Variants in ADGRV1 observed in about 807,000 individuals in gnomAD.
ADGRV1 encodes adhesion G protein-coupled receptor V1.
A neutral mutation model predicts 596.2 loss-of-function variants in ADGRV1; 359 were observed. The ratio of observed to expected loss-of-function variants is 0.60; its 90% CI spans 0.55 to 0.66. The LOEUF is 0.66. Ranked by LOEUF, ADGRV1 falls within the 30% of genes least tolerant of loss-of-function variation. ADGRV1 has a pLI of 0.00. For synonymous variants in ADGRV1, 2,681 were observed against 2,679.2 expected (o/e 1.00, Z -0.02); for missense variants, 7,274 against 7,575.6 (o/e 0.96, Z 1.48).
At chr5:91,065,671 A>T (rs6865615) in intron 85 of ADGRV1, among the ~76,000 whole-genome samples, 28 of 152,082 alleles carry the variant, frequency 1.8e-4, no homozygotes, top group African/African-American at 6.3e-4. Flanking sequence ...CCCACATAAA[A>T]TTTTTTTAAA....
intron 70 of ADGRV1, among the ~76,000 whole-genome samples, chr5:90,801,721 T>G (rs1017510319): frequency 3.3e-5 from 5 of 152,266 alleles, no homozygotes; most frequent in African/African-American, 1.2e-4. Flanking sequence ...AATGGTTGAT[T>G]TTTACATTCA....
intron 1 of ADGRV1, among the ~76,000 whole-genome samples, chr5:90,586,555 ACTT>A (rs1758787493): frequency 2.0e-5 from 3 of 152,170 alleles, no homozygotes; most frequent in Admixed American, 2.0e-4. Context: ...TTTTTGGATT[ACTT>A]CACATGTTTC....
intron 88 of ADGRV1, among the ~76,000 whole-genome samples, chr5:91,152,925 C>T (rs1796178404): frequency 1.3e-5 from 2 of 152,126 alleles, no homozygotes; most frequent in South Asian, 2.1e-4. Flanking sequence ...AATCCTCCCA[C>T]CGAAATTTAA....
Position 90,965,472 on chromosome 5 carries a change from G to C in ADGRV1, c.17914G>C (p.Ala5972Pro). 1.2e-6 allele frequency: 2 copies of C among 1,613,856 alleles called. No homozygotes were observed. The highest frequency in any genetic ancestry group is 1.7e-6 in the Non-Finnish European group (2 of 1,179,766). The part of the protein sequence containing the change: ...SPQLAEESCS[A>P]MAAVTHYLYL... ...CCAACTCGCTGAGGAGAGCTGTTCAGCTATGGCTGCTGTCACACATTACCT... is the reference window on the plus strand; with the variant it reads ...CCAACTCGCTGAGGAGAGCTGTTCACCTATGGCTGCTGTCACACATTACCT... The change falls in exon 84 of 90, where the codon GCT becomes CCT. Residue 5972 changes from alanine to proline, a missense_variant. Physicochemically the swap from Ala to Pro is conservative, Grantham distance 27. Around this residue, in one of 5 missense-constraint regions of ADGRV1, gnomAD observed 1,874 missense variants for 1,970.2 expected, o/e 0.95. Coordinates refer to ENST00000405460, the MANE Select transcript of ADGRV1 (RefSeq NM_032119.4).
chr5:91,035,143 CTT>C (rs1784761871), intron 85 of ADGRV1, among the ~76,000 whole-genome samples: 1 of 152,128 alleles, frequency 6.6e-6, no homozygotes, highest in Non-Finnish European at 1.5e-5. Flanking sequence ...CAGCCCTATA[CTT>C]CTTCCACCAT....
chr5:90,619,503 G>A (rs1342297685), intron 4 of ADGRV1, among the ~76,000 whole-genome samples: 1 of 152,058 alleles, frequency 6.6e-6, no homozygotes, highest in Non-Finnish European at 1.5e-5. Context: ...TTCCCCAAAT[G>A]TCACCTAAAG....
At chr5:90,759,750 G>C (rs990688770) in intron 58 of ADGRV1, 162 bp downstream of exon 58, 8 of 640,802 alleles carry the variant, frequency 1.2e-5, no homozygotes, top group Admixed American at 2.2e-5. Flanking sequence ...CAGATCACGA[G>C]GTCAGGAGAT....
At position 90,817,081 on chromosome 5, in the gene ADGRV1, C is replaced by T. The variant is rs531272436; in HGVS notation, c.16196+1345C>T. Among the ~76,000 whole-genome samples, 397 of 152,268 alleles carry T rather than the reference C, an allele frequency of 2.6e-3. 1 individual carries two copies. The highest frequency in any genetic ancestry group is 9.2e-3 in the African/African-American group (383 of 41,550). ...CACCCTTTCCAGCACCTGTTGTTTC[C>T]TGACTTATTAATGATTGCCGTTCTA... On this transcript the variant is annotated intron_variant, in intron 75 of 89. Transcript: ENST00000405460.
chr5:90,937,846 CATTGTTTTT>C (rs1379452710), intron 83 of ADGRV1, among the ~76,000 whole-genome samples: 1 of 152,108 alleles, frequency 6.6e-6, no homozygotes, highest in Non-Finnish European at 1.5e-5. Flanking sequence ...TTTATGAATT[CATTGTTTTT>C]ATTGACGGTT....
rs375199905 is a variant in ADGRV1 at position 90,595,863 on chromosome 5, C to A, written c.23-18972C>A. On this transcript the variant is annotated intron_variant, in intron 1 of 89. Transcript: ENST00000405460. ...CTGACGCCCCCACCTCCCTCCCGGA[C>A]GGGGCGGCTGGCCTGGCGGGGGGCT... 1.3e-4 allele frequency among the ~76,000 whole-genome samples: 19 copies of A among 148,752 alleles called. 4 individuals carry two copies. The highest frequency in any genetic ancestry group is 4.2e-4 in the East Asian group (2 of 4,814).
chr5:90,939,713 T>C (rs1776010776), intron 83 of ADGRV1, among the ~76,000 whole-genome samples: 1 of 151,978 alleles, frequency 6.6e-6, no homozygotes, highest in Non-Finnish European at 1.5e-5. Context: ...GCAGAATTGC[T>C]TTTTTTTACT....
chr5:90,678,386 G>C (rs559040239), intron 25 of ADGRV1, among the ~76,000 whole-genome samples: 118 of 151,942 alleles, frequency 7.8e-4, no homozygotes, highest in African/African-American at 2.6e-3. Flanking sequence ...AGATGTATTA[G>C]AGGGAAAGGT....
intron 59 of ADGRV1, among the ~76,000 whole-genome samples, chr5:90,764,037 T>C (rs1361950676): frequency 1.3e-5 from 2 of 151,980 alleles, no homozygotes; most frequent in African/African-American, 2.4e-5. Flanking sequence ...GAGGGAAGGA[T>C]GGTAAAAAGC....
chr5:91,082,938 A>G lies in ADGRV1; in HGVS notation c.18310+10334A>G, dbSNP rs538045754. ...AGTTCTTTAAGGAAATATATAGTCT[A>G]CAATCCTTTGTATGATCATACTTTA... On this transcript the variant is annotated intron_variant, in intron 86 of 89. Coordinates refer to ENST00000405460, the MANE Select transcript of ADGRV1 (RefSeq NM_032119.4). Among the ~76,000 whole-genome samples the G allele has an allele frequency of 2.0e-3, 300 of 152,322 alleles. 3 individuals carry two copies. The highest frequency in any genetic ancestry group is 7.0e-3 in the African/African-American group (291 of 41,566).
chr5:90,694,170 C>T lies in ADGRV1; in HGVS notation c.7414C>T (p.Pro2472Ser). 6.2e-7 allele frequency: 1 copy of T among 1,613,782 alleles called. No homozygotes were observed. Among genetic ancestry groups the T allele is most frequent in the Non-Finnish European group, 8.5e-7 (1 of 1,179,852 alleles). The stretch of plus-strand genomic sequence containing the variant: ...TTTCTGGATGACATCATGGATCAGC[C>T]CAGCTGTCAACAATTCAGACTTCTG... ...QCFWMTSWISPAVNNSDFWTY... is the reference protein window; with the variant it reads ...QCFWMTSWISSAVNNSDFWTY... Residue 2472 changes from proline to serine, a missense_variant, in exon 33 of 90, where the codon CCA (proline) becomes TCA (serine). Physicochemically the swap from Pro to Ser is moderately conservative, Grantham distance 74 (BLOSUM62 -1). Coordinates refer to ENST00000405460, the MANE Select transcript of ADGRV1 (RefSeq NM_032119.4).
chr5:90,685,445 C>T (rs1745478019), intron 28 of ADGRV1, among the ~76,000 whole-genome samples: 1 of 151,778 alleles, frequency 6.6e-6, no homozygotes, highest in Non-Finnish European at 1.5e-5. Flanking sequence ...ATTAGCCGGG[C>T]ATGGCAGCAC....
Position 90,791,069 on chromosome 5 carries a change from A to G in ADGRV1, c.14240A>G (p.Lys4747Arg), listed in dbSNP as rs959047246. 5.6e-6 allele frequency: 9 copies of G among 1,613,964 alleles called. No individual in the cohort carries two copies. Among genetic ancestry groups the G allele is most frequent in the Non-Finnish European group, 6.8e-6 (8 of 1,179,894 alleles). ...GGAGGAGCCGAACTGGATCTGGAGA[A>G]GAGTATCACATGGTTCTCTGTTTAT... is the stretch of plus-strand genomic sequence containing the variant. ...VEGGAELDLEKSITWFSVYAN... is the reference protein window; with the variant it reads ...VEGGAELDLERSITWFSVYAN... The change falls in exon 70 of 90, where the codon AAG becomes AGG. Residue 4747 changes from lysine (K) to arginine (R), a missense_variant. Physicochemically the swap from Lys to Arg is conservative, Grantham distance 26. Around this residue, in one of 5 missense-constraint regions of ADGRV1, gnomAD observed 1,874 missense variants for 1,970.2 expected, o/e 0.95. Coordinates refer to ENST00000405460, the MANE Select transcript of ADGRV1 (RefSeq NM_032119.4).
chr5:90,830,345 T>C (rs1764420570), intron 77 of ADGRV1, among the ~76,000 whole-genome samples: 2 of 152,182 alleles, frequency 1.3e-5, no homozygotes, highest in South Asian at 4.1e-4. Flanking sequence ...TGAGTATTTT[T>C]ATTGGAGTAT....
intron 83 of ADGRV1, among the ~76,000 whole-genome samples, chr5:90,871,728 C>T (rs1259871403): frequency 6.6e-6 from 1 of 152,106 alleles, no homozygotes; most frequent in East Asian, 1.9e-4. Flanking sequence ...GCAAAAGCAA[C>T]ATATGAAAAA....
Sources: allele counts gnomAD v4.1 joint callset (sites outside exome capture counted in the v4.1 genomes callset), GRCh38; gene constraint gnomAD v4.1.1; regional missense constraint gnomAD v4.1.1; transcripts MANE v1.5; gene names NCBI Gene and HGNC (gene_info 2026-07-23, HGNC 2026-07-21).